The following ADGRL2 variants were observed in gnomAD, a reference collection of about 807,000 sequenced individuals.
The protein encoded by ADGRL2 is adhesion G protein-coupled receptor L2, also known as calcium-independent alpha-latrotoxin receptor 2.
Under a neutral mutation model 157.4 loss-of-function variants are expected in ADGRL2, and 44 were observed. The observed-to-expected ratio is 0.28, with a 90% CI of 0.22 to 0.36. The LOEUF (loss-of-function observed/expected upper bound fraction) is 0.36, where lower values mean the gene tolerates loss of function less well. ADGRL2 is among the 10% of genes least tolerant of loss of function. ADGRL2 has a pLI of 1.00. For synonymous variants in ADGRL2, 585 were observed against 624.7 expected (o/e 0.94, Z 0.95); for missense variants, 1,510 against 1,768.9 (o/e 0.85, Z 2.63).
At chr1:81,521,339 G>T (rs918796065) in intron 2 of ADGRL2, among the ~76,000 whole-genome samples, 3 of 152,014 alleles carry the variant, frequency 2.0e-5, no homozygotes, top group Non-Finnish European at 4.4e-5. Context: ...AAAGAAAAAT[G>T]CTTTTAATAT....
chr1:81,881,337 G>T (rs765777532), intron 2 of ADGRL2, among the ~76,000 whole-genome samples: 3 of 152,022 alleles, frequency 2.0e-5, no homozygotes, highest in African/African-American at 7.2e-5. Context: ...CGCCACGCCC[G>T]GCTAATTTTT....
chr1:81,797,669 T>C (rs1166972105), upstream of ADGRL2, among the ~76,000 whole-genome samples: 1 of 152,204 alleles, frequency 6.6e-6, no homozygotes, highest in South Asian at 2.1e-4. Flanking sequence ...GCCTGATCAC[T>C]TCCCTATAAA....
intron 2 of ADGRL2, among the ~76,000 whole-genome samples, chr1:81,537,121 C>T (rs570567665): frequency 2.0e-5 from 3 of 152,010 alleles, no homozygotes; most frequent in Non-Finnish European, 2.9e-5. Context: ...ATTACATATA[C>T]GGAATATGTC....
intron 2 of ADGRL2, among the ~76,000 whole-genome samples, chr1:81,769,753 C>G (rs573478030): frequency 5.9e-5 from 9 of 152,208 alleles, no homozygotes; most frequent in Middle Eastern, 6.8e-3. Context: ...ATGTACAGAT[C>G]AATCTGAAGG....
intron 3 of ADGRL2, among the ~76,000 whole-genome samples, chr1:81,935,546 G>A (rs2095298413): frequency 6.6e-6 from 1 of 151,834 alleles, no homozygotes; most frequent in African/African-American, 2.4e-5. Flanking sequence ...CTGCCCTTTA[G>A]TTAGTGGTGC....
intron 1 of ADGRL2, among the ~76,000 whole-genome samples, chr1:81,718,404 T>C (rs2084187377): frequency 6.6e-6 from 1 of 152,132 alleles, no homozygotes; most frequent in African/African-American, 2.4e-5. Flanking sequence ...CTGTTTGTAG[T>C]TCATGTTCAC....
chr1:81,847,300 C>T (rs185716246), intron 2 of ADGRL2, among the ~76,000 whole-genome samples: 1 of 151,992 alleles, frequency 6.6e-6, no homozygotes. Flanking sequence ...ATTCTTGCTT[C>T]AGTAATCTGG....
chr1:81,426,543 G>T, intron 1 of ADGRL2: 1 of 438,506 alleles, frequency 2.3e-6, no homozygotes, highest in South Asian at 1.7e-5. Context: ...TGATCCAAAG[G>T]AACCAGAGTA....
At chr1:81,853,103 C>T (rs146176563) in intron 2 of ADGRL2, among the ~76,000 whole-genome samples, 2 of 152,112 alleles carry the variant, frequency 1.3e-5, no homozygotes, top group East Asian at 3.9e-4. Flanking sequence ...TTTGGGGTAT[C>T]TGTTATCACT....
At chr1:81,882,399 A>T (rs1341550839) in intron 2 of ADGRL2, among the ~76,000 whole-genome samples, 2 of 152,162 alleles carry the variant, frequency 1.3e-5, no homozygotes, top group African/African-American at 2.4e-5. Context: ...AACTAGAGTA[A>T]AAAACCTTTT....
At position 81,804,508 on chromosome 1, in the gene ADGRL2, A is replaced by G. The variant is rs551266751; in HGVS notation, c.-101+3440A>G. Among the ~76,000 whole-genome samples, 19 of 152,348 alleles carry G rather than the reference A, an allele frequency of 1.2e-4. No homozygotes were observed. The South Asian group carries it at 3.7e-3, about 30-fold the overall frequency. ...GCTTCCAAGCGGAGGCCCAAAGGGC[A>G]ATGAGAATTGTAAAGGGTAAAAATA... On this transcript the variant is annotated intron_variant, in intron 1 of 23. Transcript: ENST00000686636.
At chr1:81,905,377 C>T (rs917262630) in intron 2 of ADGRL2, among the ~76,000 whole-genome samples, 1 of 152,118 alleles carries the variant, frequency 6.6e-6, no homozygotes, top group Non-Finnish European at 1.5e-5. Context: ...GGATTACAAG[C>T]GTGAACCACA....
chr1:81,448,743 C>T (rs2077650309), intron 2 of ADGRL2, among the ~76,000 whole-genome samples: 1 of 151,670 alleles, frequency 6.6e-6, no homozygotes, highest in South Asian at 2.1e-4. Flanking sequence ...TAAATTGGAC[C>T]CTCCTCATAT....
At chr1:81,957,132 C>T (rs1300286298) in intron 11 of ADGRL2, among the ~76,000 whole-genome samples, 6 of 150,326 alleles carry the variant, frequency 4.0e-5, no homozygotes, top group South Asian at 4.2e-4. Context: ...CAGTAATTAC[C>T]GAAGTGGCAT....
chr1:81,983,394 C>G (rs1476798490), intron 19 of ADGRL2, among the ~76,000 whole-genome samples: 1 of 151,912 alleles, frequency 6.6e-6, no homozygotes, highest in Admixed American at 6.6e-5. Flanking sequence ...TTTGAAGACT[C>G]AACCACATTG....
intron 1 of ADGRL2, among the ~76,000 whole-genome samples, chr1:81,752,278 C>T (rs993522230): frequency 6.6e-6 from 1 of 152,128 alleles, no homozygotes; most frequent in Non-Finnish European, 1.5e-5. Flanking sequence ...CTTGGACTTC[C>T]CTGCCTCCAG....
intron 2 of ADGRL2, among the ~76,000 whole-genome samples, chr1:81,476,586 A>T (rs1226003181): frequency 1.3e-5 from 2 of 152,078 alleles, no homozygotes; most frequent in Non-Finnish European, 2.9e-5. Context: ...GTGCCTGCTT[A>T]CCTTCCATTT....
At position 81,744,939 on chromosome 1, in the gene ADGRL2, A is replaced by G. The variant is rs2085195638; in HGVS notation, c.-142-16872A>G. On this transcript the variant is annotated intron_variant, in intron 1 of 20. Transcript: ENST00000359929. ...AATATTATTCCCAATAGCCCTTGCAACTCATTTGTTCCAAGCACAGAAGGA... is the reference window on the plus strand; with the variant it reads ...AATATTATTCCCAATAGCCCTTGCAGCTCATTTGTTCCAAGCACAGAAGGA... Among the ~76,000 whole-genome samples the G allele has an allele frequency of 3.3e-5, 5 of 152,164 alleles. No individual in the cohort carries two copies. The South Asian group carries it at 1.0e-3, about 32-fold the overall frequency.
At chr1:81,921,670 T>G (rs2094982341) in intron 3 of ADGRL2, among the ~76,000 whole-genome samples, 1 of 152,216 alleles carries the variant, frequency 6.6e-6, no homozygotes, top group Non-Finnish European at 1.5e-5. Flanking sequence ...AAGTTACTGA[T>G]ATGAAGCTAA....
Sources: allele counts gnomAD v4.1 joint callset (sites outside exome capture counted in the v4.1 genomes callset), GRCh38; gene constraint gnomAD v4.1.1; transcripts MANE v1.5; gene names NCBI Gene and HGNC (gene_info 2026-07-23, HGNC 2026-07-21).